The following THSD4 variants were observed in gnomAD, a reference collection of about 807,000 sequenced individuals.
THSD4 encodes thrombospondin type-1 domain-containing protein 4.
A neutral mutation model predicts 119.0 loss-of-function variants in THSD4; 69 were observed. The ratio of observed to expected loss-of-function variants is 0.58; its 90% CI spans 0.48 to 0.71. The LOEUF is 0.71. Ranked by LOEUF, THSD4 falls within the 30% of genes least tolerant of loss-of-function variation. The probability of loss-of-function intolerance (pLI) is 0.00; values close to 1 mark genes in which losing one functional copy is unlikely to be tolerated. For synonymous variants in THSD4, 524 were observed against 540.4 expected, an observed-to-expected ratio of 0.97 and a Z score of 0.42; for missense variants, 1,393 against 1,391.1, an observed-to-expected ratio of 1.00 and a Z score of -0.02.
At chr15:71,656,156 T>C (rs1348210777) in intron 7 of THSD4, among the ~76,000 whole-genome samples, 2 of 152,182 alleles carry the variant, frequency 1.3e-5, no homozygotes, top group Non-Finnish European at 2.9e-5. Context: ...CATGTGATAA[T>C]AGTTCATGAA....
At chr15:71,197,592 C>T (rs1414925341) in intron 3 of THSD4, among the ~76,000 whole-genome samples, 1 of 152,172 alleles carries the variant, frequency 6.6e-6, no homozygotes, top group Non-Finnish European at 1.5e-5. Flanking sequence ...CAGTGTGCTT[C>T]CTGGCAGATG....
In THSD4 at chr15:71,315,261, T is replaced by C. The variant is rs981670727; in HGVS notation, c.1015+58546T>C. ...TCTGGGCTGGCTCTAACTGTGCAAC[T>C]GGTGACCATCCCTGCCTTGGCTTTC... On this transcript the variant is annotated intron_variant, in intron 6 of 17. Transcript: ENST00000261862. Among the ~76,000 whole-genome samples, 3 of 152,234 alleles carry C rather than the reference T, an allele frequency of 2.0e-5. No individual in the cohort carries two copies. The South Asian group carries it at 6.2e-4, about 31-fold the overall frequency.
At chr15:71,717,650 G>A (rs1340144708) in intron 8 of THSD4, among the ~76,000 whole-genome samples, 1 of 151,990 alleles carries the variant, frequency 6.6e-6, no homozygotes, top group East Asian at 1.9e-4. Context: ...AAAGAACAGG[G>A]CATAGACACT....
Position 71,215,293 on chromosome 15 carries a change from G to T in THSD4, c.358G>T (p.Glu120Ter). ...TSVPLHRSRD[E>*]TPALAGTDAS... is the part of the protein sequence containing the mutation. ...GGTGCCACTGCACCGGAGCCGCGAC[G>T]AGACGCCAGCGCTGGCCGGTACGGA... The change falls in exon 4 of 18, where the codon GAG becomes TAG. Residue 120 changes from glutamate (E) to a stop codon, truncating the protein, a stop_gained. Transcript: ENST00000261862. LOFTEE classifies it high-confidence loss of function. 6.6e-7 allele frequency: 1 copy of T among 1,522,650 alleles called. No individual in the cohort carries two copies. The highest frequency in any genetic ancestry group is 8.8e-7 in the Non-Finnish European group (1 of 1,141,092). 94.3% of individuals were successfully genotyped at this position (1,522,650 alleles called of 1,614,324 possible).
At chr15:71,300,044 AGGAG>A (rs1447273512) in intron 6 of THSD4, among the ~76,000 whole-genome samples, 1 of 149,708 alleles carries the variant, frequency 6.7e-6, no homozygotes, top group African/African-American at 2.5e-5. Context: ...CCAGTGACCC[AGGAG>A]GCTGAGGTGG....
At chr15:71,766,250 CT>C (rs2053715250) in intron 16 of THSD4, among the ~76,000 whole-genome samples, 1 of 152,042 alleles carries the variant, frequency 6.6e-6, no homozygotes, top group South Asian at 2.1e-4. Flanking sequence ...AGAAAACCTC[CT>C]CACCATCATT....
rs915035693 is a variant in THSD4 at position 71,778,520 on chromosome 15, G to A, written c.*1146G>A. 1 of 152,764 alleles carries A rather than the reference G, an allele frequency of 6.5e-6. No homozygotes were observed. Among genetic ancestry groups the A allele is most frequent in the African/African-American group, 2.4e-5 (1 of 41,440 alleles). 9.5% of individuals were successfully genotyped at this position (152,764 alleles called of 1,614,324 possible). ...CACACAGCTCTGCAGCCTGGGCTCT[G>A]CCCTGCCTCAGCCGCCTCCCCCACG... On this transcript the variant is annotated 3_prime_UTR_variant, in exon 18 of 18. Transcript: ENST00000261862.
chr15:71,597,346 A>G (rs1403058190), intron 7 of THSD4, among the ~76,000 whole-genome samples: 1 of 152,168 alleles, frequency 6.6e-6, no homozygotes, highest in African/African-American at 2.4e-5. Context: ...AGAGATTCAG[A>G]AAGTTGCTAA....
intron 7 of THSD4, among the ~76,000 whole-genome samples, chr15:71,498,488 A>G (rs962780300): frequency 2.6e-5 from 4 of 152,104 alleles, no homozygotes; most frequent in East Asian, 1.9e-4. Flanking sequence ...TACAAATCCC[A>G]TGGCTGCCTC....
intron 6 of THSD4, among the ~76,000 whole-genome samples, chr15:71,319,960 G>A (rs926594977): frequency 6.6e-6 from 1 of 152,156 alleles, no homozygotes; most frequent in African/African-American, 2.4e-5. Context: ...TAAAAGGACG[G>A]TATGGTAACT....
At chr15:71,353,948 A>G (rs186947440) in intron 6 of THSD4, among the ~76,000 whole-genome samples, 118 of 152,314 alleles carry the variant, frequency 7.7e-4, no homozygotes, top group Middle Eastern at 3.4e-3. Context: ...GTGATTGAGG[A>G]AGGAAGACAC....
At chr15:71,175,004 G>C (rs1179860927) in intron 3 of THSD4, among the ~76,000 whole-genome samples, 1 of 147,350 alleles carries the variant, frequency 6.8e-6, no homozygotes, top group African/African-American at 2.5e-5. Context: ...CATCATCAAA[G>C]ACAAAAAGTA....
intron 7 of THSD4, among the ~76,000 whole-genome samples, chr15:71,437,063 T>G (rs2047022696): frequency 6.6e-6 from 1 of 152,202 alleles, no homozygotes; most frequent in Admixed American, 6.5e-5. Flanking sequence ...AAGCATGGTG[T>G]TGGCATCTGC....
intron 7 of THSD4, among the ~76,000 whole-genome samples, chr15:71,504,148 C>T (rs2048155566): frequency 6.6e-6 from 1 of 152,108 alleles, no homozygotes; most frequent in African/African-American, 2.4e-5. Flanking sequence ...TGAGACAGGC[C>T]CTTGTTTTGT....
At chr15:71,356,265 G>C (rs570185383) in intron 6 of THSD4, among the ~76,000 whole-genome samples, 2 of 152,190 alleles carry the variant, frequency 1.3e-5, no homozygotes, top group African/African-American at 4.8e-5. Context: ...CTCTGCACAC[G>C]GTTGCTTCTG....
intron 7 of THSD4, among the ~76,000 whole-genome samples, chr15:71,595,308 A>G (rs2049886945): frequency 6.6e-6 from 1 of 152,160 alleles, no homozygotes; most frequent in Admixed American, 6.5e-5. Context: ...CAGAATTCCC[A>G]TGTGTTGTGG....
intron 8 of THSD4, among the ~76,000 whole-genome samples, chr15:71,699,047 G>T: frequency 6.6e-6 from 1 of 152,082 alleles, no homozygotes; most frequent in Non-Finnish European, 1.5e-5. Flanking sequence ...TTAAAAATGT[G>T]TTAAAAGAGT....
chr15:71,529,360 A>G (rs1473286212), intron 7 of THSD4, among the ~76,000 whole-genome samples: 1 of 152,238 alleles, frequency 6.6e-6, no homozygotes, highest in East Asian at 1.9e-4. Context: ...TTCCCCTTTT[A>G]TGATAGCACT....
intron 6 of THSD4, among the ~76,000 whole-genome samples, chr15:71,292,550 A>G (rs1482933473): frequency 6.6e-6 from 1 of 151,776 alleles, no homozygotes; most frequent in Non-Finnish European, 1.5e-5. Context: ...TTTAATTTTT[A>G]TGACCATGTA....
Sources: allele counts gnomAD v4.1 joint callset (sites outside exome capture counted in the v4.1 genomes callset), GRCh38; gene constraint gnomAD v4.1.1; transcripts MANE v1.5; gene names NCBI Gene and HGNC (gene_info 2026-07-23, HGNC 2026-07-21).